The following CNTNAP2 variants were observed in gnomAD, a reference collection of about 807,000 sequenced individuals.
The protein encoded by CNTNAP2 is contactin-associated protein-like 2.
A neutral mutation model predicts 155.2 loss-of-function variants in CNTNAP2; 98 were observed. The observed-to-expected ratio is 0.63, with a 90% CI of 0.54 to 0.75. The LOEUF (loss-of-function observed/expected upper bound fraction) is 0.75, where lower values mean the gene tolerates loss of function less well. CNTNAP2 is among the 30% of genes least tolerant of loss of function. The pLI, the probability that CNTNAP2 is intolerant of heterozygous loss-of-function variation, is 0.00. For synonymous variants in CNTNAP2, 651 were observed against 631.2 expected, an observed-to-expected ratio of 1.03 and a Z score of -0.47; for missense variants, 1,727 against 1,688.1, an observed-to-expected ratio of 1.02 and a Z score of -0.40.
intron 11 of CNTNAP2, among the ~76,000 whole-genome samples, chr7:147,545,509 C>T (rs1799713721): frequency 6.6e-6 from 1 of 152,148 alleles, no homozygotes; most frequent in African/African-American, 2.4e-5. Context: ...ACTTTATTTA[C>T]CCATGATTCG....
intron 10 of CNTNAP2, among the ~76,000 whole-genome samples, chr7:147,431,030 G>A (rs922711775): frequency 6.8e-5 from 10 of 147,496 alleles, no homozygotes; most frequent in Non-Finnish European, 1.2e-4. Flanking sequence ...CAGGCTGGGC[G>A]ACAGAGTGAG....
intron 9 of CNTNAP2, among the ~76,000 whole-genome samples, chr7:147,326,407 A>G (rs1795459453): frequency 6.6e-6 from 1 of 152,170 alleles, no homozygotes; most frequent in African/African-American, 2.4e-5. Context: ...ATTTCATTGT[A>G]TGTGTCTATC....
chr7:147,047,252 G>A (rs1416059333), intron 4 of CNTNAP2, among the ~76,000 whole-genome samples: 1 of 146,540 alleles, frequency 6.8e-6, no homozygotes, highest in Non-Finnish European at 1.5e-5. Context: ...GGGACTACAG[G>A]TGACCACCAC....
intron 13 of CNTNAP2, among the ~76,000 whole-genome samples, chr7:147,726,415 T>C (rs1401118417): frequency 6.6e-6 from 1 of 151,880 alleles, no homozygotes; most frequent in Non-Finnish European, 1.5e-5. Context: ...AGGAGGAAAA[T>C]GAGGTTTATC....
intron 1 of CNTNAP2, among the ~76,000 whole-genome samples, chr7:146,720,984 A>ATG (rs1563202905): frequency 7.5e-6 from 1 of 133,858 alleles, no homozygotes; most frequent in East Asian, 2.1e-4. Flanking sequence ...TAGACTATAT[A>ATG]TACTGTATAT....
intron 3 of CNTNAP2, among the ~76,000 whole-genome samples, chr7:146,923,488 G>C (rs1318596031): frequency 6.6e-6 from 1 of 152,174 alleles, no homozygotes; most frequent in East Asian, 1.9e-4. Flanking sequence ...TATAATATGT[G>C]CTTAGCAATA....
intron 15 of CNTNAP2, among the ~76,000 whole-genome samples, chr7:148,019,746 C>T (rs1004013932): frequency 6.7e-6 from 1 of 149,964 alleles, no homozygotes; most frequent in Non-Finnish European, 1.5e-5. Flanking sequence ...TGTGAGCCAT[C>T]GTGCCCATTC....
chr7:147,762,639 T>A (rs1268161605), intron 13 of CNTNAP2, among the ~76,000 whole-genome samples: 1 of 150,496 alleles, frequency 6.6e-6, no homozygotes, highest in Middle Eastern at 3.2e-3. Flanking sequence ...AGTAATTAAC[T>A]ACTGAATTAA....
chr7:148,328,324 G>C (rs1797926768), intron 21 of CNTNAP2, among the ~76,000 whole-genome samples: 1 of 152,142 alleles, frequency 6.6e-6, no homozygotes, highest in African/African-American at 2.4e-5. Flanking sequence ...TGATTGGTGA[G>C]GGGATTATAT....
At chr7:147,282,931 G>T (rs1465994176) in intron 8 of CNTNAP2, among the ~76,000 whole-genome samples, 3 of 151,794 alleles carry the variant, frequency 2.0e-5, no homozygotes, top group Admixed American at 2.0e-4. Flanking sequence ...GACATAATTT[G>T]AAAGTGATAT....
intron 4 of CNTNAP2, among the ~76,000 whole-genome samples, chr7:147,091,457 T>G (rs1339467663): frequency 6.6e-6 from 1 of 152,084 alleles, no homozygotes; most frequent in Non-Finnish European, 1.5e-5. Context: ...ACTTTTTTCT[T>G]TTTTCTTTTT....
intron 3 of CNTNAP2, among the ~76,000 whole-genome samples, chr7:147,017,211 T>C (rs1028809030): frequency 3.3e-5 from 5 of 152,010 alleles, no homozygotes; most frequent in African/African-American, 1.2e-4. Context: ...ATCCTCCCAG[T>C]TGTCTTCCTT....
chr7:146,986,788 T>G (rs573568667), intron 3 of CNTNAP2, among the ~76,000 whole-genome samples: 2 of 152,308 alleles, frequency 1.3e-5, no homozygotes, highest in Admixed American at 6.5e-5. Flanking sequence ...TTTTTTCATA[T>G]ATTTGTTGGC....
At chr7:146,121,870 A>C (rs957939569) in intron 1 of CNTNAP2, among the ~76,000 whole-genome samples, 1 of 152,190 alleles carries the variant, frequency 6.6e-6, no homozygotes, top group African/African-American at 2.4e-5. Context: ...GCAATCATTT[A>C]TATACAGCTG....
At chr7:146,647,704 C>T (rs1799838450) in intron 1 of CNTNAP2, among the ~76,000 whole-genome samples, 1 of 152,088 alleles carries the variant, frequency 6.6e-6, no homozygotes, top group African/African-American at 2.4e-5. Flanking sequence ...CACAGGAAAT[C>T]CAAGGCTCAA....
intron 3 of CNTNAP2, among the ~76,000 whole-genome samples, chr7:146,968,920 TC>T: frequency 6.8e-6 from 1 of 147,476 alleles, no homozygotes; most frequent in African/African-American, 2.6e-5. Context: ...CAATTTTGGA[TC>T]TTTCCTGCTT....
At chr7:148,290,506 G>T (rs1797170943) in intron 21 of CNTNAP2, among the ~76,000 whole-genome samples, 1 of 152,162 alleles carries the variant, frequency 6.6e-6, no homozygotes, top group Admixed American at 6.5e-5. Flanking sequence ...TGAAGGTCAA[G>T]GATAGGAGAA....
intron 9 of CNTNAP2, among the ~76,000 whole-genome samples, chr7:147,390,950 G>C (rs749268540): frequency 6.6e-6 from 1 of 151,932 alleles, no homozygotes; most frequent in Non-Finnish European, 1.5e-5. Flanking sequence ...GCCATCCAAA[G>C]TCTCATTCCA....
rs896374061 is a variant in CNTNAP2 at position 146,597,754 on chromosome 7, T to C, written c.98-176517T>C. On this transcript the variant is annotated intron_variant, in intron 1 of 23. Transcript: ENST00000361727. ...GATCAACATTGTGGAGAAAATATAC[T>C]ATAATTTAAATTTTACGTTGTTATT... Among the ~76,000 whole-genome samples the C allele has an allele frequency of 2.7e-5, 4 of 150,740 alleles. No individual in the cohort carries two copies. The East Asian group carries it at 5.8e-4, about 22-fold the overall frequency.
Sources: allele counts gnomAD v4.1 joint callset (sites outside exome capture counted in the v4.1 genomes callset), GRCh38; gene constraint gnomAD v4.1.1; transcripts MANE v1.5; gene names NCBI Gene and HGNC (gene_info 2026-07-23, HGNC 2026-07-21).